Variants in SKAP2 observed in about 807,000 individuals in gnomAD.
The protein encoded by SKAP2 is src kinase associated phosphoprotein 2.
Under a neutral mutation model 54.9 loss-of-function variants are expected in SKAP2, and 28 were observed. The observed-to-expected ratio is 0.51, with a 90% confidence interval of 0.38 to 0.70. SKAP2 has a LOEUF of 0.70. SKAP2 is among the 30% of genes least tolerant of loss of function. The pLI, the probability that SKAP2 is intolerant of heterozygous loss-of-function variation, is 0.00. For missense variants in SKAP2, 356 were observed against 424.1 expected (o/e 0.84, Z 1.41); for synonymous variants, 137 against 134.3 (o/e 1.02, Z -0.14).
intron 9 of SKAP2, among the ~76,000 whole-genome samples, chr7:26,719,361 T>C (rs1284233170): frequency 6.6e-6 from 1 of 152,154 alleles, no homozygotes; most frequent in Non-Finnish European, 1.5e-5. Context: ...ATCTCAATCC[T>C]ACTAGCCTCT....
intron 9 of SKAP2, among the ~76,000 whole-genome samples, chr7:26,709,284 G>C (rs1787242264): frequency 6.6e-6 from 1 of 152,200 alleles, no homozygotes; most frequent in African/African-American, 2.4e-5. Flanking sequence ...GTATATGAGA[G>C]AGTGTAATAG....
chr7:26,770,637 G>A (rs1023837906), intron 4 of SKAP2, among the ~76,000 whole-genome samples: 49 of 152,190 alleles, frequency 3.2e-4, no homozygotes, highest in African/African-American at 1.1e-3. Flanking sequence ...TGTGGGAAAA[G>A]TATAGTATCT....
chr7:26,784,569 T>C (rs1783499812), intron 4 of SKAP2, among the ~76,000 whole-genome samples: 1 of 152,216 alleles, frequency 6.6e-6, no homozygotes. Context: ...TCATTCATAT[T>C]TATCTCTGTA....
At chr7:26,816,272 T>C (rs1784264266) in intron 4 of SKAP2, among the ~76,000 whole-genome samples, 1 of 152,130 alleles carries the variant, frequency 6.6e-6, no homozygotes, top group Non-Finnish European at 1.5e-5. Flanking sequence ...TGAAAAAATA[T>C]CAATTTTACT....
At chr7:26,848,054 C>T (rs139928402) in intron 3 of SKAP2, 57 of 152,324 alleles carry the variant, frequency 3.7e-4, no homozygotes, top group African/African-American at 1.4e-3. Context: ...AATCATACTA[C>T]AGCAGCATAT....
At chr7:26,731,532 A>T (rs900309728) in intron 6 of SKAP2, among the ~76,000 whole-genome samples, 10 of 152,118 alleles carry the variant, frequency 6.6e-5, no homozygotes, top group Admixed American at 5.2e-4. Context: ...CTATCAATAT[A>T]CTTGTGACTC....
intron 9 of SKAP2, among the ~76,000 whole-genome samples, chr7:26,724,565 T>C (rs1787655689): frequency 6.6e-6 from 1 of 152,190 alleles, no homozygotes; most frequent in South Asian, 2.1e-4. Context: ...CATCATTAAA[T>C]TGTTATATTC....
In SKAP2 at chr7:26,681,565, T is replaced by G. The variant is rs142806429; in HGVS notation, c.987+3171A>C. 9.9e-4 allele frequency among the ~76,000 whole-genome samples: 151 copies of G among 152,378 alleles called. 1 individual carries two copies. Among genetic ancestry groups the G allele is most frequent in the Non-Finnish European group, 1.8e-3 (122 of 68,034 alleles). ...AAAGTATGCATCTTTTCTTAAACTA[T>G]TTTATGTTGCCTTTTTAAAGAATAT... On this transcript the variant is annotated intron_variant, in intron 11 of 12. Transcript: ENST00000345317.
At chr7:26,840,678 T>C (rs1784801607) in intron 4 of SKAP2, among the ~76,000 whole-genome samples, 1 of 152,012 alleles carries the variant, frequency 6.6e-6, no homozygotes. Flanking sequence ...TCTACAATAG[T>C]CTAGAAACTA....
At chr7:26,700,267 T>G (rs974886218) in intron 9 of SKAP2, among the ~76,000 whole-genome samples, 1 of 152,204 alleles carries the variant, frequency 6.6e-6, no homozygotes, top group Non-Finnish European at 1.5e-5. Context: ...TGAAGTCCAG[T>G]TATATGTCCA....
rs1268801580 is a variant in SKAP2 at position 26,714,429 on chromosome 7, T to C, written c.796+10999A>G. ...GTTCTAATAAAGAGGAAAACATCTA[T>C]AAACGAATGTTTTATTTGAAACAAA... On this transcript the variant is annotated intron_variant, in intron 9 of 12. Transcript: ENST00000345317. 2.6e-5 allele frequency among the ~76,000 whole-genome samples: 4 copies of C among 152,362 alleles called. No individual in the cohort carries two copies. The East Asian group carries it at 5.8e-4, about 22-fold the overall frequency.
intron 10 of SKAP2, among the ~76,000 whole-genome samples, chr7:26,689,845 CCT>C (rs745326418): frequency 6.6e-6 from 1 of 152,090 alleles, no homozygotes; most frequent in East Asian, 1.9e-4. Context: ...CTTGTTGTCC[CCT>C]GTTAGTCTCT....
intron 9 of SKAP2, among the ~76,000 whole-genome samples, chr7:26,705,109 G>C (rs1787128641): frequency 6.6e-6 from 1 of 152,154 alleles, no homozygotes; most frequent in South Asian, 2.1e-4. Flanking sequence ...CTAGGGTCTA[G>C]GCAGTGCCAG....
intron 4 of SKAP2, among the ~76,000 whole-genome samples, chr7:26,746,869 G>T (rs1782569979): frequency 6.6e-6 from 1 of 151,986 alleles, no homozygotes; most frequent in Non-Finnish European, 1.5e-5. Context: ...AGAACAACTA[G>T]TAACTTCTTT....
chr7:26,863,978 C>T (rs912990055), intron 1 of SKAP2, among the ~76,000 whole-genome samples: 4 of 151,852 alleles, frequency 2.6e-5, no homozygotes, highest in Admixed American at 2.0e-4. Context: ...CTTCTGCTCC[C>T]TTCTGCTTGC....
intron 4 of SKAP2, among the ~76,000 whole-genome samples, chr7:26,816,123 T>C (rs1489927839): frequency 6.6e-6 from 1 of 152,166 alleles, no homozygotes; most frequent in African/African-American, 2.4e-5. Flanking sequence ...GTTTTGTTCA[T>C]GTTTTTGCTT....
intron 4 of SKAP2, among the ~76,000 whole-genome samples, chr7:26,781,026 C>G (rs1279862304): frequency 1.3e-5 from 2 of 152,122 alleles, no homozygotes; most frequent in African/African-American, 2.4e-5. Context: ...ATAATGTTAA[C>G]TTTATTTACC....
intron 10 of SKAP2, among the ~76,000 whole-genome samples, chr7:26,686,769 G>C (rs1786652598): frequency 6.6e-6 from 1 of 152,116 alleles, no homozygotes. Context: ...CAGGGAATTA[G>C]AGCAAAGAGA....
chr7:26,840,092 A>G (rs1784790393), intron 4 of SKAP2, among the ~76,000 whole-genome samples: 1 of 152,098 alleles, frequency 6.6e-6, no homozygotes, highest in African/African-American at 2.4e-5. Context: ...TTCTTCACAC[A>G]AACCTGTGTC....
Sources: gnomAD v4.1 joint callset for allele counts (sites outside exome capture counted in the v4.1 genomes callset) on GRCh38, gnomAD v4.1.1 for gene constraint, MANE v1.5 for transcripts, NCBI Gene and HGNC (gene_info 2026-07-23, HGNC 2026-07-21) for gene names.